The following LONRF3 variants were observed in gnomAD, a reference collection of about 807,000 sequenced individuals.
LONRF3 encodes the protein LON peptidase N-terminal domain and ring finger 3.
A neutral mutation model predicts 51.7 loss-of-function variants in LONRF3; 19 were observed. That is an observed-to-expected ratio of 0.37 (90% CI 0.26 to 0.54). The LOEUF is 0.54. Among genes scored for constraint, LONRF3 ranks in the 20% least tolerant of loss-of-function variants. LONRF3 has a pLI of 0.86. For synonymous variants in LONRF3, 265 were observed against 257.8 expected, an observed-to-expected ratio of 1.03 and a Z score of -0.27; for missense variants, 521 against 623.9, an observed-to-expected ratio of 0.84 and a Z score of 1.76.
chrX:118,974,935 G>C lies in LONRF3; in HGVS notation c.155G>C (p.Arg52Pro). 2 of 1,183,198 alleles carry C rather than the reference G, an allele frequency of 1.7e-6. No homozygotes were observed. ...AAEGPAPLPT[R>P]EPEQEQSPGT... ...GAGGGCCCCGCACCTCTACCGACGCGGGAGCCAGAGCAAGAGCAGTCTCCG... is the reference window on the plus strand; with the variant it reads ...GAGGGCCCCGCACCTCTACCGACGCCGGAGCCAGAGCAAGAGCAGTCTCCG... The change falls in exon 1 of 11, where the codon CGG becomes CCG. Residue 52 changes from arginine (R) to proline (P), a missense_variant. Arg to Pro is a moderately radical substitution (Grantham distance 103). Coordinates refer to ENST00000371628, the MANE Select transcript of LONRF3 (RefSeq NM_001031855.3).
intron 5 of LONRF3, among the ~76,000 whole-genome samples, chrX:118,992,544 C>T (rs1923505935): frequency 9.0e-6 from 1 of 110,569 alleles, no homozygotes; most frequent in Admixed American, 9.6e-5. Flanking sequence ...TGAGCTCAGA[C>T]ATACCTAGCC....
chrX:119,017,653 G>C lies in LONRF3; in HGVS notation c.2243G>C (p.Arg748Pro). Residue 748 changes from arginine to proline, a missense_variant, in exon 11 of 11, where the codon CGA becomes CCA. Physicochemically the swap from Arg to Pro is moderately radical, Grantham distance 103. Transcript: ENST00000371628. Reference sequence around the variant, plus strand: ...TTAAAGGACAGACTGAATGGTATTCGACGAGTCCTGGCCTTCATATCCCGA... The same window carrying C: ...TTAAAGGACAGACTGAATGGTATTCCACGAGTCCTGGCCTTCATATCCCGA... ...RSLKDRLNGI[R>P]RVLAFISRNQ... 1 of 1,206,766 alleles carries C rather than the reference G, an allele frequency of 8.3e-7. No homozygotes were observed.
intron 3 of LONRF3, among the ~76,000 whole-genome samples, chrX:118,983,597 T>C (rs962084923): frequency 1.2e-4 from 14 of 112,668 alleles, no homozygotes; most frequent in African/African-American, 4.5e-4. Flanking sequence ...TAGTGAAGGC[T>C]CAGCCATCTT....
intron 8 of LONRF3, 123 bp downstream of exon 8, chrX:119,012,096 G>T: frequency 1.5e-6 from 1 of 658,037 alleles, no homozygotes; most frequent in Non-Finnish European, 2.3e-6. Flanking sequence ...AAGAATATGA[G>T]CATTTGTAAG....
chrX:119,000,584 G>A (rs1035133333), intron 5 of LONRF3, among the ~76,000 whole-genome samples: 1 of 111,841 alleles, frequency 8.9e-6, no homozygotes, highest in Non-Finnish European at 1.9e-5. Context: ...GCCACCTCTG[G>A]GGCTGCTATG....
In LONRF3 at chrX:118,974,835, G is replaced by A. The variant is rs1408862999; in HGVS notation, c.55G>A (p.Asp19Asn). Residue 19 changes from aspartate to asparagine, a missense_variant, in exon 1 of 11, where the codon GAC becomes AAC. Asp to Asn is a conservative substitution (Grantham distance 23, BLOSUM62 1). This residue lies in a region of LONRF3 where 376 missense variants were observed against 376.7 expected (regional missense o/e 1.00). Coordinates refer to ENST00000371628, the MANE Select transcript of LONRF3 (RefSeq NM_001031855.3). The part of the protein sequence containing the change: ...MLSLPAEVSS[D>N]NLESAERGAS... ...GAGCTTGCCCGCTGAGGTCAGCAGCGACAACTTGGAGTCGGCGGAGCGAGG... is the reference window on the plus strand; with the variant it reads ...GAGCTTGCCCGCTGAGGTCAGCAGCAACAACTTGGAGTCGGCGGAGCGAGG... The A allele has an allele frequency of 1.7e-6, 2 of 1,207,417 alleles. No individual in the cohort carries two copies. The highest frequency in any genetic ancestry group is 2.3e-4 in the Middle Eastern group (1 of 4,367).
At chrX:119,008,364 T>G (rs889827099) in intron 6 of LONRF3, among the ~76,000 whole-genome samples, 1 of 111,778 alleles carries the variant, frequency 8.9e-6, no homozygotes, top group Non-Finnish European at 1.9e-5. Context: ...TCTGCAGATG[T>G]TTTAACATCA....
At chrX:118,987,020 G>A in intron 3 of LONRF3, 1 of 1,152,833 alleles carries the variant, frequency 8.7e-7, no homozygotes, top group Non-Finnish European at 1.1e-6. Context: ...CTAGATTAAA[G>A]GAAAACGTAG....
intron 3 of LONRF3, among the ~76,000 whole-genome samples, chrX:118,985,299 CT>C (rs1398320122): frequency 1.8e-5 from 2 of 111,746 alleles, no homozygotes; most frequent in Non-Finnish European, 3.8e-5. Context: ...ATACTGCCTC[CT>C]CAGAACTGGC....
chrX:119,007,015 C>T (rs1209322269), intron 6 of LONRF3, among the ~76,000 whole-genome samples: 3 of 112,658 alleles, frequency 2.7e-5, no homozygotes, highest in Non-Finnish European at 5.6e-5. Flanking sequence ...TGAGCCACCA[C>T]GCCCAGCCTA....
intron 5 of LONRF3, among the ~76,000 whole-genome samples, chrX:118,997,784 A>G (rs1373838983): frequency 8.9e-6 from 1 of 112,697 alleles, no homozygotes; most frequent in African/African-American, 3.2e-5. Flanking sequence ...TCAGTAAGAA[A>G]AAAACAATCC....
chrX:118,983,221 G>A (rs1922705004), intron 3 of LONRF3, among the ~76,000 whole-genome samples: 1 of 111,828 alleles, frequency 8.9e-6, no homozygotes. Context: ...ATTGTCAGTG[G>A]GAGAAAAACC....
At chrX:119,009,933 C>T (rs922682234) in intron 7 of LONRF3, among the ~76,000 whole-genome samples, 17 of 110,352 alleles carry the variant, frequency 1.5e-4, no homozygotes, top group African/African-American at 5.3e-4. Flanking sequence ...CCATGCCCAG[C>T]GAATTTTTGT....
chrX:119,014,131 G>A (rs1279964046), intron 9 of LONRF3, 76 bp from the exon 10 acceptor site: 7 of 1,053,227 alleles, frequency 6.6e-6, no homozygotes, highest in African/African-American at 1.9e-5. Context: ...TGCTCAAAGC[G>A]AATCAGGTGT....
rs376495628 is a variant in LONRF3 at position 118,989,716 on chromosome X, C to A, written c.1324+44C>A. 4 of 1,166,357 alleles carry A rather than the reference C, an allele frequency of 3.4e-6. No individual in the cohort carries two copies. The East Asian group carries it at 9.0e-5, about 26-fold the overall frequency. On this transcript the variant is annotated intron_variant, in intron 4 of 10. Transcript: ENST00000371628. ...GAGAAGGTAGCTTGGAGGAGATCCC[C>A]GGGCTCACCAATATATACAAGTTAC...
chrX:118,974,930 G>A lies in LONRF3; in HGVS notation c.150G>A (p.Pro50=). 1 of 1,184,717 alleles carries A rather than the reference G, an allele frequency of 8.4e-7. No homozygotes were observed. Among genetic ancestry groups the A allele is most frequent in the Non-Finnish European group, 1.1e-6 (1 of 881,729 alleles). ...CTGCAGAGGGCCCCGCACCTCTACC[G>A]ACGCGGGAGCCAGAGCAAGAGCAGT... ...KVAAEGPAPL[P]TREPEQEQSP... The change falls in exon 1 of 11, where the codon CCG becomes CCA. Residue 50 remains proline, a synonymous_variant. Transcript: ENST00000371628.
chrX:118,989,421 T>G lies in LONRF3; in HGVS notation c.1073T>G (p.Leu358Arg), dbSNP rs146443202. ...RCEAQRDNLE[L>R]PHCSSQEEAA... is the part of the protein sequence containing the mutation. ...TTCTTCATCCAGGACAATCTGGAGC[T>G]CCCACATTGTTCTAGTCAGGAGGAA... Residue 358 changes from leucine (L) to arginine (R), a missense_variant, in exon 4 of 11, where the codon CTC becomes CGC. Physicochemically the swap from Leu to Arg is moderately radical, Grantham distance 102. Coordinates refer to ENST00000371628, the MANE Select transcript of LONRF3 (RefSeq NM_001031855.3). 1.2e-5 allele frequency: 14 copies of G among 1,210,610 alleles called. No homozygotes were observed. Among genetic ancestry groups the G allele is most frequent in the Non-Finnish European group, 1.2e-5 (11 of 895,049 alleles).
intron 5 of LONRF3, 22 bp from the exon 6 acceptor site, chrX:119,006,099 C>A: frequency 9.9e-7 from 1 of 1,006,515 alleles, no homozygotes; most frequent in Non-Finnish European, 1.4e-6. Context: ...AGTTTTCTTC[C>A]ATTTTGATTC....
At chrX:119,013,390 C>T (rs911175678) in intron 9 of LONRF3, among the ~76,000 whole-genome samples, 189 bp downstream of exon 9, 2 of 112,305 alleles carry the variant, frequency 1.8e-5, no homozygotes, top group African/African-American at 6.5e-5. Flanking sequence ...GCCTACTGTC[C>T]TGGCTCTGCT....
Sources: gnomAD v4.1 joint callset for allele counts (sites outside exome capture counted in the v4.1 genomes callset) on GRCh38, gnomAD v4.1.1 for gene constraint, gnomAD v4.1.1 regional missense constraint, MANE v1.5 for transcripts, NCBI Gene and HGNC (gene_info 2026-07-23, HGNC 2026-07-21) for gene names.